FTSJ3: variants seen among roughly 807,000 people sequenced by gnomAD.
FTSJ3 encodes the protein FtsJ RNA 2'-O-methyltransferase 3.
Under a neutral mutation model 111.5 loss-of-function variants are expected in FTSJ3, and 46 were observed. The ratio of observed to expected loss-of-function variants is 0.41; its 90% CI spans 0.33 to 0.53. The LOEUF (loss-of-function observed/expected upper bound fraction) is 0.53, where lower values mean the gene tolerates loss of function less well. Among genes scored for constraint, FTSJ3 ranks in the 20% least tolerant of loss-of-function variants. The pLI is 0.19. For missense variants in FTSJ3, 1,075 were observed against 1,063.8 expected, an observed-to-expected ratio of 1.01 and a Z score of -0.15; for synonymous variants, 408 against 383.0, an observed-to-expected ratio of 1.07 and a Z score of -0.76.
In FTSJ3 at chr17:63,821,555, C is replaced by G. The variant is rs116137638; in HGVS notation, c.1685G>C (p.Arg562Pro). 1.2e-6 allele frequency: 2 copies of G among 1,613,956 alleles called. No homozygotes were observed. The highest frequency in any genetic ancestry group is 1.3e-5 in the African/African-American group (1 of 75,004). ...QLLFENRRKG[R>P]QQQQKQQLPQ... Reference sequence around the variant, plus strand: ...CAGCTGCTGCTTCTGCTGCTGCTGCCGTCCCTTCCGCCGGTTCTCAAATAA... The same window carrying G: ...CAGCTGCTGCTTCTGCTGCTGCTGCGGTCCCTTCCGCCGGTTCTCAAATAA... The change falls in exon 16 of 21, where the codon CGG becomes CCG. Residue 562 changes from arginine (R) to proline (P), a missense_variant. By Grantham distance (103) the Arg-to-Pro change is moderately radical. Coordinates refer to ENST00000427159, the MANE Select transcript of FTSJ3 (RefSeq NM_017647.4).
chr17:63,819,796 C>T lies in FTSJ3; in HGVS notation c.*6G>A. ...CCATGCTCTCCTGGGAGCCTGGCAG[C>T]TCTGCTTACTTCCGTTTGTGTTTTT... is the stretch of plus-strand genomic sequence containing the variant. On this transcript the variant is annotated 3_prime_UTR_variant, in exon 21 of 21. Transcript: ENST00000427159. 2 of 1,608,596 alleles carry T rather than the reference C, an allele frequency of 1.2e-6. No individual in the cohort carries two copies. The highest frequency in any genetic ancestry group is 2.2e-5 in the South Asian group (2 of 90,478).
chr17:63,824,402 T>G lies in FTSJ3; in HGVS notation c.927A>C (p.Leu309=), dbSNP rs2040078612. The stretch of plus-strand genomic sequence containing the variant: ...ATCGCCGAAGTTTTGTTCTCCAGTT[T>G]AGTAGCGACCTGCCCCAGAGATACT... The part of the protein sequence containing the change: ...VLGRKELRSL[L]NWRTKLRRYV... Residue 309 remains leucine, a synonymous_variant, in exon 11 of 21, where the codon CTA becomes CTC. Transcript: ENST00000427159. 6.2e-7 allele frequency: 1 copy of G among 1,614,110 alleles called. No homozygotes were observed.
intron 19 of FTSJ3, 39 bp downstream of exon 19, chr17:63,820,216 C>A (rs749507515): frequency 7.3e-7 from 1 of 1,369,388 alleles, no homozygotes; most frequent in South Asian, 1.2e-5. Context: ...CATCCCCCCA[C>A]CCCCACCCCA....
rs1156710492 is a variant in FTSJ3 at position 63,825,121 on chromosome 17, G to A, written c.638C>T (p.Pro213Leu). Residue 213 changes from proline (P) to leucine (L), a missense_variant, in exon 8 of 21, where the codon CCC becomes CTC. Coordinates refer to ENST00000427159, the MANE Select transcript of FTSJ3 (RefSeq NM_017647.4). ...PDKVDSKFFD[P>L]KFAFKEVEVQ... Reference sequence around the variant, plus strand: ...TTCAACCTCCTTAAAGGCAAATTTGGGGTCAAAGAATTTACTGTCAACCTT... The same window carrying A: ...TTCAACCTCCTTAAAGGCAAATTTGAGGTCAAAGAATTTACTGTCAACCTT... 6.2e-7 allele frequency: 1 copy of A among 1,613,920 alleles called. No individual in the cohort carries two copies. The highest frequency in any genetic ancestry group is 1.3e-5 in the African/African-American group (1 of 74,850).
intron 3 of FTSJ3, 98 bp downstream of exon 3, chr17:63,826,469 G>A (rs923598883): frequency 8.2e-7 from 1 of 1,226,240 alleles, no homozygotes. Flanking sequence ...CAAGAGGACC[G>A]GGATTCGGGT....
Position 63,821,132 on chromosome 17 carries a change from A to C in FTSJ3, c.1887-17T>G, listed in dbSNP as rs1567751519. ...GGTTCCCAGCTGTGAAGAGGGGAGG[A>C]CTCTGAGTGATTCCACCACTCTGTA... On this transcript the variant is annotated splice_polypyrimidine_tract_variant and intron_variant, in intron 16 of 20. Coordinates refer to ENST00000427159, the MANE Select transcript of FTSJ3 (RefSeq NM_017647.4). 1 of 1,612,022 alleles carries C rather than the reference A, an allele frequency of 6.2e-7. No homozygotes were observed. The highest frequency in any genetic ancestry group is 8.5e-7 in the Non-Finnish European group (1 of 1,178,472).
chr17:63,824,617 G>C lies in FTSJ3; in HGVS notation c.917+20C>G. On this transcript the variant is annotated intron_variant, in intron 10 of 20. Coordinates refer to ENST00000427159, the MANE Select transcript of FTSJ3 (RefSeq NM_017647.4). The stretch of plus-strand genomic sequence containing the variant: ...CCTGCCTCCAGGGCTCCTGGCCCCC[G>C]TGCCTACCCCACTCCATACCTGAGC... 1 of 1,593,096 alleles carries C rather than the reference G, an allele frequency of 6.3e-7. No individual in the cohort carries two copies.
Position 63,827,658 on chromosome 17 carries a change from G to A in FTSJ3, c.-633C>T. The A allele has an allele frequency of 1.3e-6, 2 of 1,493,972 alleles. No individual in the cohort carries two copies. Among genetic ancestry groups the A allele is most frequent in the Admixed American group, 4.6e-5 (2 of 43,246 alleles). The allele number at this position is 1,493,972 out of a possible 1,614,324, so 92.5% of individuals were successfully genotyped here. The stretch of plus-strand genomic sequence containing the variant: ...TCCATGCTGGACGCTGCCTGCGACC[G>A]GATCTGCTGTGTCAGCGCCGCCCTC... On this transcript the variant is annotated 5_prime_UTR_variant, in exon 1 of 21. Coordinates refer to ENST00000427159, the MANE Select transcript of FTSJ3 (RefSeq NM_017647.4).
chr17:63,825,233 G>A lies in FTSJ3; in HGVS notation c.595+9C>T. The A allele has an allele frequency of 6.2e-7, 1 of 1,614,118 alleles. No homozygotes were observed. The highest frequency in any genetic ancestry group is 8.5e-7 in the Non-Finnish European group (1 of 1,180,014). On this transcript the variant is annotated intron_variant, in intron 7 of 20. Transcript: ENST00000427159. The stretch of plus-strand genomic sequence containing the variant: ...GAGCCTGGATCAAGAGAAAGGAAAT[G>A]ATGCCCACCTTGGCAGACTACAAAG...
intron 13 of FTSJ3, 144 bp downstream of exon 13, chr17:63,823,673 T>C (rs2040070743): frequency 2.4e-6 from 2 of 821,672 alleles, no homozygotes; most frequent in Admixed American, 2.3e-5. Flanking sequence ...TTTGTGGCCT[T>C]ATACTCACCA....
chr17:63,825,797 G>A, intron 5 of FTSJ3, 162 bp from the exon 6 acceptor site: 3 of 654,688 alleles, frequency 4.6e-6, no homozygotes, highest in East Asian at 2.7e-5. Context: ...CTACCTTCAT[G>A]GAGATTACAG....
At position 63,821,135 on chromosome 17, in the gene FTSJ3, C is replaced by G. The variant is rs373215487; in HGVS notation, c.1887-20G>C. 70 of 1,611,858 alleles carry G rather than the reference C, an allele frequency of 4.3e-5. No individual in the cohort carries two copies. The highest frequency in any genetic ancestry group is 5.7e-5 in the Non-Finnish European group (67 of 1,178,272). ...TCCCAGCTGTGAAGAGGGGAGGACT[C>G]TGAGTGATTCCACCACTCTGTACTA... On this transcript the variant is annotated intron_variant, in intron 16 of 20. Coordinates refer to ENST00000427159, the MANE Select transcript of FTSJ3 (RefSeq NM_017647.4).
Position 63,826,903 on chromosome 17 carries a change from G to C in FTSJ3, c.-1C>G. 3 of 1,613,258 alleles carry C rather than the reference G, an allele frequency of 1.9e-6. No individual in the cohort carries two copies. The South Asian group carries it at 3.3e-5, about 18-fold the overall frequency. ...TGCCAACTTTGCCCTTCTTGCCCAT[G>C]GTGGAAAGGGGGAGTATCCCTCAAT... On this transcript the variant is annotated 5_prime_UTR_variant, in exon 2 of 21. Transcript: ENST00000427159.
intron 5 of FTSJ3, 190 bp downstream of exon 5, chr17:63,825,866 C>G (rs1285418498): frequency 6.3e-6 from 4 of 637,384 alleles, no homozygotes; most frequent in Non-Finnish European, 1.1e-5. Context: ...TCTCCCAATT[C>G]CAAACACCTT....
chr17:63,824,465 C>G (rs556656311), intron 10 of FTSJ3, 54 bp from the exon 11 acceptor site: 32 of 1,593,908 alleles, frequency 2.0e-5, no homozygotes, highest in Middle Eastern at 3.3e-4. Flanking sequence ...GTCCCCGCCC[C>G]CTTCTGTTTT....
At position 63,826,103 on chromosome 17, in the gene FTSJ3, T is replaced by C; in HGVS notation, c.253A>G (p.Asn85Asp). Reference sequence around the variant, plus strand: ...ATGTCCTGCTGGAGAGTCACCACATTGGGGAGAGGCTTGATTGGAACCAGG... The same window carrying C: ...ATGTCCTGCTGGAGAGTCACCACATCGGGGAGAGGCTTGATTGGAACCAGG... Reference protein sequence around the residue: ...VDLVPIKPLPNVVTLQQDITT... With the variant: ...VDLVPIKPLPDVVTLQQDITT... Residue 85 changes from asparagine to aspartate, a missense_variant, in exon 5 of 21, where the codon AAT (asparagine) becomes GAT (aspartate). Coordinates refer to ENST00000427159, the MANE Select transcript of FTSJ3 (RefSeq NM_017647.4). The C allele has an allele frequency of 1.2e-6, 2 of 1,613,920 alleles. No individual in the cohort carries two copies. The highest frequency in any genetic ancestry group is 4.5e-5 in the East Asian group (2 of 44,888).
At chr17:63,825,483 G>A in intron 6 of FTSJ3, 47 bp from the exon 7 acceptor site, 7 of 1,611,678 alleles carry the variant, frequency 4.3e-6, no homozygotes, top group Non-Finnish European at 5.9e-6. Flanking sequence ...GCCCAGGAGG[G>A]CATGCGCCCA....
rs147801800 is a variant in FTSJ3 at position 63,826,600 on chromosome 17, G to C, written c.140C>G (p.Ala47Gly). 6.2e-7 allele frequency: 1 copy of C among 1,614,014 alleles called. No individual in the cohort carries two copies. Among genetic ancestry groups the C allele is most frequent in the Non-Finnish European group, 8.5e-7 (1 of 1,179,926 alleles). ...TGGCGCAGCACACAGGTCCAGCAAG[G>C]CTCGGGCTTTCTGCAGGAACTGAAA... ...RRFQFLQKAR[A>G]LLDLCAAPGG... The change falls in exon 3 of 21, where the codon GCC (alanine) becomes GGC (glycine). Residue 47 changes from alanine (A) to glycine (G), a missense_variant. Ala to Gly is a moderately conservative substitution (Grantham distance 60). Transcript: ENST00000427159.
Position 63,821,083 on chromosome 17 carries a change from C to A in FTSJ3, c.1919G>T (p.Arg640Leu), listed in dbSNP as rs368535844. ...WEPLRGKKRS[R>L]GPKSDDDGFE... is the part of the protein sequence containing the mutation. ...CCCGTCATCATCTGACTTAGGCCCA[C>A]GGCTTCGCTTCTTACCACGGAGGGG... The change falls in exon 17 of 21, where the codon CGT (arginine) becomes CTT (leucine). Residue 640 changes from arginine to leucine, a missense_variant. Physicochemically the swap from Arg to Leu is moderately radical, Grantham distance 102 (BLOSUM62 -2). Transcript: ENST00000427159. 31 of 1,614,088 alleles carry A rather than the reference C, an allele frequency of 1.9e-5. No individual in the cohort carries two copies. In the South Asian group the frequency reaches 3.1e-4, roughly 16 times the overall value.
Sources: gnomAD v4.1 joint callset for allele counts on GRCh38, gnomAD v4.1.1 for gene constraint, MANE v1.5 for transcripts, NCBI Gene and HGNC (gene_info 2026-07-23, HGNC 2026-07-21) for gene names.